The following PDSS2 variants were observed in gnomAD, a reference collection of about 807,000 sequenced individuals.
PDSS2 encodes all trans-polyprenyl-diphosphate synthase PDSS2.
Under a neutral mutation model 44.5 loss-of-function variants are expected in PDSS2, and 31 were observed. The ratio of observed to expected loss-of-function variants is 0.70; its 90% CI spans 0.52 to 0.94. The LOEUF is 0.94. Among genes scored for constraint, PDSS2 ranks in the 40% least tolerant of loss-of-function variants. PDSS2 has a pLI of 0.00. For missense variants in PDSS2, 452 were observed against 482.2 expected (o/e 0.94, Z 0.59); for synonymous variants, 157 against 180.3 (o/e 0.87, Z 1.03).
chr6:107,455,962 T>C (rs1023519304), intron 1 of PDSS2, among the ~76,000 whole-genome samples: 4 of 152,068 alleles, frequency 2.6e-5, no homozygotes, highest in African/African-American at 7.2e-5. Flanking sequence ...CCAAAAGATA[T>C]GCAAACATAT....
intron 2 of PDSS2, among the ~76,000 whole-genome samples, chr6:107,292,327 C>G (rs748657743): frequency 2.3e-4 from 35 of 152,090 alleles, no homozygotes; most frequent in Non-Finnish European, 4.9e-4. Context: ...ATAATCACAG[C>G]TTAACACAAA....
chr6:107,355,416 C>T (rs1232922568), intron 1 of PDSS2, among the ~76,000 whole-genome samples: 2 of 152,128 alleles, frequency 1.3e-5, no homozygotes, highest in Non-Finnish European at 2.9e-5. Context: ...AAAGACTGTA[C>T]TAGATTTATA....
chr6:107,394,820 G>T (rs1779891257), intron 1 of PDSS2, among the ~76,000 whole-genome samples: 1 of 151,986 alleles, frequency 6.6e-6, no homozygotes, highest in South Asian at 2.1e-4. Flanking sequence ...GTTTTAAATA[G>T]TTAATTATCC....
intron 2 of PDSS2, among the ~76,000 whole-genome samples, chr6:107,326,483 A>G (rs947473432): frequency 7.2e-5 from 11 of 152,278 alleles, no homozygotes; most frequent in African/African-American, 2.6e-4. Context: ...ATAAATACAG[A>G]AAATGTTCGG....
chr6:107,431,186 T>C (rs1484524278), intron 1 of PDSS2, among the ~76,000 whole-genome samples: 3 of 152,360 alleles, frequency 2.0e-5, no homozygotes, highest in Middle Eastern at 3.4e-3. Flanking sequence ...CCAGACCTCT[T>C]TGGAAGACAC....
chr6:107,375,283 G>A (rs1779252243), intron 1 of PDSS2, among the ~76,000 whole-genome samples: 1 of 151,852 alleles, frequency 6.6e-6, no homozygotes, highest in Non-Finnish European at 1.5e-5. Flanking sequence ...GAAAACCAAT[G>A]AAACAGAAAA....
At chr6:107,427,990 G>C (rs1781058498) in intron 1 of PDSS2, among the ~76,000 whole-genome samples, 1 of 152,178 alleles carries the variant, frequency 6.6e-6, no homozygotes, top group African/African-American at 2.4e-5. Context: ...ATTTTTTACA[G>C]AGGTTGTGCA....
At chr6:107,195,168 A>AG (rs1250857855) in intron 6 of PDSS2, among the ~76,000 whole-genome samples, 2 of 151,820 alleles carry the variant, frequency 1.3e-5, no homozygotes, top group African/African-American at 4.8e-5. Flanking sequence ...CTTCCGTGAG[A>AG]GAAAAAAAAA....
At chr6:107,316,626 T>A (rs1484583706) in intron 2 of PDSS2, among the ~76,000 whole-genome samples, 1 of 152,158 alleles carries the variant, frequency 6.6e-6, no homozygotes, top group Non-Finnish European at 1.5e-5. Context: ...GATTTCTTTT[T>A]TTCGTGAATA....
At chr6:107,228,372 C>A (rs898286841) in intron 4 of PDSS2, among the ~76,000 whole-genome samples, 2 of 152,102 alleles carry the variant, frequency 1.3e-5, no homozygotes, top group Admixed American at 1.3e-4. Context: ...CTTCACAAAA[C>A]ATTTGCTACT....
intron 1 of PDSS2, among the ~76,000 whole-genome samples, chr6:107,368,170 G>A (rs1312717997): frequency 6.6e-6 from 1 of 151,148 alleles, no homozygotes; most frequent in Non-Finnish European, 1.5e-5. Context: ...TCAGGAGGCT[G>A]AGGCAGGAGA....
At chr6:107,356,968 T>C (rs534665856) in intron 1 of PDSS2, among the ~76,000 whole-genome samples, 1 of 152,216 alleles carries the variant, frequency 6.6e-6, no homozygotes, top group South Asian at 2.1e-4. Context: ...CCTCATAACA[T>C]GATTGAGGTT....
intron 2 of PDSS2, among the ~76,000 whole-genome samples, chr6:107,286,835 T>C (rs1351963578): frequency 6.6e-6 from 1 of 151,976 alleles, no homozygotes. Context: ...GGTCAAAAGA[T>C]CGAGACCATC....
intron 1 of PDSS2, among the ~76,000 whole-genome samples, chr6:107,365,109 A>C (rs927761050): frequency 3.9e-5 from 6 of 152,238 alleles, no homozygotes; most frequent in Non-Finnish European, 8.8e-5. Context: ...TAAATGTAAA[A>C]AAAATCTGTA....
intron 3 of PDSS2, among the ~76,000 whole-genome samples, chr6:107,263,273 C>T (rs1208743179): frequency 2.0e-5 from 3 of 151,868 alleles, no homozygotes; most frequent in Non-Finnish European, 2.9e-5. Flanking sequence ...GCCAACATGG[C>T]GAAAACCCAT....
rs562049422 is a variant in PDSS2 at position 107,408,534 on chromosome 6, C to T, written c.296+50456G>A. Among the ~76,000 whole-genome samples, 192 of 152,280 alleles carry T rather than the reference C, an allele frequency of 1.3e-3. 1 individual carries two copies. Among genetic ancestry groups the T allele is most frequent in the Non-Finnish European group, 2.0e-3 (136 of 68,024 alleles). ...TCCCTTCCTCTTAACCTGGTAGTGT[C>T]CTACCCGTCTATGCCAGGGGTAACA... is the stretch of plus-strand genomic sequence containing the variant. On this transcript the variant is annotated intron_variant, in intron 1 of 7. Transcript: ENST00000369037.
intron 4 of PDSS2, among the ~76,000 whole-genome samples, chr6:107,232,113 G>A (rs1774072042): frequency 6.6e-6 from 1 of 152,166 alleles, no homozygotes; most frequent in South Asian, 2.1e-4. Context: ...AACATCTGTT[G>A]AGTGAGCAGT....
At chr6:107,415,143 T>TA (rs199629239) in intron 1 of PDSS2, among the ~76,000 whole-genome samples, 11 of 151,786 alleles carry the variant, frequency 7.2e-5, no homozygotes, top group Non-Finnish European at 1.5e-4. Flanking sequence ...CATCATAGGT[T>TA]AAAAAAAATT....
At chr6:107,182,050 T>C (rs1459430514) in intron 7 of PDSS2, among the ~76,000 whole-genome samples, 2 of 152,272 alleles carry the variant, frequency 1.3e-5, no homozygotes, top group East Asian at 3.9e-4. Flanking sequence ...CTGAGGTGTG[T>C]GGGATTGCTA....
Sources: allele counts gnomAD v4.1 joint callset (sites outside exome capture counted in the v4.1 genomes callset), GRCh38; gene constraint gnomAD v4.1.1; transcripts MANE v1.5; gene names NCBI Gene and HGNC (gene_info 2026-07-23, HGNC 2026-07-21).